Variants in DIAPH2 observed in about 807,000 individuals in gnomAD.
DIAPH2 encodes the protein diaphanous related formin 2.
In DIAPH2, 35 loss-of-function variants were observed where a neutral mutation model predicts 92.7. That is an observed-to-expected ratio of 0.38 (90% CI 0.29 to 0.50). The LOEUF is 0.50. DIAPH2 is among the 20% of genes least tolerant of loss of function. The pLI is 0.94. For synonymous variants in DIAPH2, 301 were observed against 280.4 expected, an observed-to-expected ratio of 1.07 and a Z score of -0.73; for missense variants, 701 against 819.5, an observed-to-expected ratio of 0.86 and a Z score of 1.77.
intron 17 of DIAPH2, among the ~76,000 whole-genome samples, chrX:97,015,966 C>T (rs904886726): frequency 9.0e-6 from 1 of 111,124 alleles, no homozygotes; most frequent in East Asian, 2.8e-4. Flanking sequence ...AAGTTTGTTG[C>T]TAGGAATGTC....
At chrX:96,805,345 G>T (rs753001628) in intron 4 of DIAPH2, among the ~76,000 whole-genome samples, 2 of 110,433 alleles carry the variant, frequency 1.8e-5, no homozygotes, top group Admixed American at 9.7e-5. Context: ...GATGATCAGG[G>T]TGGGCCTTGT....
chrX:97,224,626 A>G (rs2067951265), intron 22 of DIAPH2, among the ~76,000 whole-genome samples: 1 of 111,942 alleles, frequency 8.9e-6, no homozygotes, highest in Non-Finnish European at 1.9e-5. Context: ...CATATTTTTG[A>G]CAGAGGAATA....
chrX:97,456,231 C>A lies in DIAPH2; in HGVS notation c.3241+26486C>A, dbSNP rs183927773. ...GAAACCCCGTCTCTACTAAAAAATACAAAAAATTAGCCGGGCGTGGTGGCG... is the reference window on the plus strand; with the variant it reads ...GAAACCCCGTCTCTACTAAAAAATAAAAAAAATTAGCCGGGCGTGGTGGCG... On this transcript the variant is annotated intron_variant, in intron 26 of 26. Coordinates refer to ENST00000324765, the MANE Select transcript of DIAPH2 (RefSeq NM_006729.5). Among the ~76,000 whole-genome samples the A allele has an allele frequency of 3.0e-4, 33 of 110,892 alleles. 1 individual carries two copies. Among genetic ancestry groups the A allele is most frequent in the African/African-American group, 1.0e-3 (31 of 30,579 alleles).
In DIAPH2 at chrX:97,095,351, C is replaced by T. The variant is rs949305679; in HGVS notation, c.2248-4343C>T. ...CAGGATGGTCTCGATCTCCTGACCTCGTGATCCACCTGCCTCGGCCTCCCA... is the reference window on the plus strand; with the variant it reads ...CAGGATGGTCTCGATCTCCTGACCTTGTGATCCACCTGCCTCGGCCTCCCA... On this transcript the variant is annotated intron_variant, in intron 19 of 26. Transcript: ENST00000324765. 2.8e-5 allele frequency among the ~76,000 whole-genome samples: 3 copies of T among 106,847 alleles called. No homozygotes were observed. In the East Asian group the frequency reaches 8.7e-4, roughly 31 times the overall value. The allele number at this position is 106,847 out of a possible 115,157, so 92.8% of individuals were successfully genotyped here.
At chrX:96,961,609 G>C (rs2065849309) in intron 16 of DIAPH2, among the ~76,000 whole-genome samples, 1 of 108,687 alleles carries the variant, frequency 9.2e-6, no homozygotes, top group Admixed American at 9.9e-5. Flanking sequence ...GTTCCTTCAG[G>C]TGCAAAATTA....
chrX:96,787,793 C>T (rs2064469118), intron 4 of DIAPH2, among the ~76,000 whole-genome samples: 1 of 101,694 alleles, frequency 9.8e-6, no homozygotes, highest in Non-Finnish European at 2.0e-5. Flanking sequence ...CGGGTTCAAA[C>T]GATTCTCATG....
chrX:96,901,542 T>A, intron 5 of DIAPH2, among the ~76,000 whole-genome samples: 1 of 63,137 alleles, frequency 1.6e-5, no homozygotes, highest in African/African-American at 6.0e-5. Context: ...GTTTTTTTTT[T>A]TTTTTTTTTT....
At position 96,838,440 on chromosome X, in the gene DIAPH2, A is replaced by G. The variant is rs4507955; in HGVS notation, c.448-43139A>G. Among the ~76,000 whole-genome samples, 61 of 112,371 alleles carry G rather than the reference A, an allele frequency of 5.4e-4. No homozygotes were observed. In the South Asian group the frequency reaches 0.022, roughly 41 times the overall value. ...TTATAGTAACATTTTCATGATGCCAAAATAAATACTTTCATGTCATTATCT... is the reference window on the plus strand; with the variant it reads ...TTATAGTAACATTTTCATGATGCCAGAATAAATACTTTCATGTCATTATCT... On this transcript the variant is annotated intron_variant, in intron 4 of 26. Coordinates refer to ENST00000324765, the MANE Select transcript of DIAPH2 (RefSeq NM_006729.5).
intron 21 of DIAPH2, among the ~76,000 whole-genome samples, chrX:97,130,854 C>T (rs2067132867): frequency 9.0e-6 from 1 of 111,259 alleles, no homozygotes; most frequent in Non-Finnish European, 1.9e-5. Context: ...CCTGTAATCT[C>T]AGCACTTTGA....
chrX:97,459,302 T>G (rs1442150908), intron 26 of DIAPH2, among the ~76,000 whole-genome samples: 1 of 111,461 alleles, frequency 9.0e-6, no homozygotes, highest in African/African-American at 3.3e-5. Context: ...CACTATGGAG[T>G]TAGACTGTGT....
chrX:97,386,497 G>A (rs1047931444), intron 25 of DIAPH2, among the ~76,000 whole-genome samples: 37 of 110,604 alleles, frequency 3.3e-4, no homozygotes, highest in Non-Finnish European at 5.3e-4. Context: ...GTGAAACACC[G>A]TCTCTACTAA....
At chrX:96,771,019 A>G (rs896302424) in intron 4 of DIAPH2, among the ~76,000 whole-genome samples, 2 of 111,558 alleles carry the variant, frequency 1.8e-5, no homozygotes, top group Admixed American at 1.9e-4. Flanking sequence ...TTGGAACACT[A>G]TCGTATCAGT....
chrX:97,023,064 G>T (rs925448749), intron 17 of DIAPH2, among the ~76,000 whole-genome samples: 30 of 111,463 alleles, frequency 2.7e-4, no homozygotes, highest in African/African-American at 9.8e-4. Context: ...GTACTATAGG[G>T]ATATGTTAAG....
chrX:96,974,430 C>T (rs1278644269), intron 17 of DIAPH2, among the ~76,000 whole-genome samples: 1 of 111,192 alleles, frequency 9.0e-6, no homozygotes, highest in East Asian at 2.8e-4. Context: ...TATCAGTAGA[C>T]TAGGTAAGAT....
chrX:97,503,725 G>A (rs772314137), intron 26 of DIAPH2, among the ~76,000 whole-genome samples: 1 of 111,912 alleles, frequency 8.9e-6, no homozygotes, highest in Admixed American at 9.5e-5. Flanking sequence ...AAAGGACAGG[G>A]TGAAAAAATG....
intron 5 of DIAPH2, among the ~76,000 whole-genome samples, chrX:96,901,886 A>G (rs1384375025): frequency 2.7e-5 from 3 of 111,068 alleles, no homozygotes; most frequent in Non-Finnish European, 5.7e-5. Context: ...TAGGTTGTCA[A>G]TTTGTGCTCT....
rs180761157 is a variant in DIAPH2 at position 97,546,812 on chromosome X, G to A, written c.3242-52441G>A. Among the ~76,000 whole-genome samples, 1,068 of 109,578 alleles carry A rather than the reference G, an allele frequency of 9.7e-3. 10 individuals are homozygous for A. The highest frequency in any genetic ancestry group is 0.016 in the Non-Finnish European group (835 of 52,425). ...GATCGCGCCATTGCCCTCCAGCCTC[G>A]GCGACAGAGTGAGGCTCTGTCTCAA... On this transcript the variant is annotated intron_variant, in intron 26 of 26. Coordinates refer to ENST00000324765, the MANE Select transcript of DIAPH2 (RefSeq NM_006729.5).
intron 22 of DIAPH2, among the ~76,000 whole-genome samples, chrX:97,149,551 G>A (rs990317212): frequency 9.2e-6 from 1 of 108,896 alleles, no homozygotes; most frequent in Non-Finnish European, 1.9e-5. Flanking sequence ...CTAACACGGT[G>A]AAACCCCATC....
Position 96,782,550 on chromosome X carries a change from C to T in DIAPH2, c.447+24292C>T, listed in dbSNP as rs181133115. ...TCCTGACCTCGTGATCCGCCCGCCTCGGCCTCCCAAAGTGCTGGGATTACA... is the reference window on the plus strand; with the variant it reads ...TCCTGACCTCGTGATCCGCCCGCCTTGGCCTCCCAAAGTGCTGGGATTACA... On this transcript the variant is annotated intron_variant, in intron 4 of 26. Transcript: ENST00000324765. Among the ~76,000 whole-genome samples the T allele has an allele frequency of 2.2e-3, 244 of 111,507 alleles. 1 individual carries two copies. Among genetic ancestry groups the T allele is most frequent in the African/African-American group, 7.1e-3 (218 of 30,723 alleles).
Sources: allele counts gnomAD v4.1 joint callset (sites outside exome capture counted in the v4.1 genomes callset), GRCh38; gene constraint gnomAD v4.1.1; transcripts MANE v1.5; gene names NCBI Gene and HGNC (gene_info 2026-07-23, HGNC 2026-07-21).